Variants in MUSTN1 observed in about 807,000 individuals in gnomAD.
The protein encoded by MUSTN1 is musculoskeletal, embryonic nuclear protein 1, also known as musculoskeletal embryonic nuclear protein 1.
A neutral mutation model predicts 11.8 loss-of-function variants in MUSTN1; 14 were observed. That is an observed-to-expected ratio of 1.18 (90% CI 0.78 to 1.85). The LOEUF (loss-of-function observed/expected upper bound fraction) is 1.85. MUSTN1 is among the 40% of genes most tolerant of loss of function. The probability of loss-of-function intolerance (pLI) is 0.00; values close to 1 mark genes in which losing one functional copy is unlikely to be tolerated. For synonymous variants in MUSTN1, 42 were observed against 43.3 expected, an observed-to-expected ratio of 0.97 and a Z score of 0.12; for missense variants, 111 against 108.8, an observed-to-expected ratio of 1.02 and a Z score of -0.09.
intron 1 of MUSTN1, among the ~76,000 whole-genome samples, chr3:52,834,552 T>C (rs1358776261): frequency 1.3e-5 from 2 of 151,960 alleles, no homozygotes; most frequent in East Asian, 3.9e-4. Context: ...CAGACAGACC[T>C]ATGTGTGTGG....
rs765313162 is a variant in MUSTN1, at chr3:52,833,789, C to T, written c.10-40G>A. On this transcript the variant is annotated intron_variant, in intron 1 of 2. Transcript: ENST00000446157. The stretch of plus-strand genomic sequence containing the variant: ...AGCCTCATCTTACTACCTGAAGCCT[C>T]GGTAGAAAGGCACACCTACCTCTGT... 2.9e-5 allele frequency: 45 copies of T among 1,556,836 alleles called. No individual in the cohort carries two copies. The South Asian group carries it at 4.5e-4, about 16-fold the overall frequency.
chr3:52,834,899 C>T, intron 1 of MUSTN1, 41 bp downstream of exon 1: 2 of 1,611,264 alleles, frequency 1.2e-6, no homozygotes, highest in Non-Finnish European at 1.7e-6. Flanking sequence ...TCCACCTCCA[C>T]TCCCTCTGGC....
Position 52,833,250 on chromosome 3 carries a change from G to C in MUSTN1, c.*74C>G, listed in dbSNP as rs760496658. 8.8e-6 allele frequency: 14 copies of C among 1,586,460 alleles called. No individual in the cohort carries two copies. Among genetic ancestry groups the C allele is most frequent in the Non-Finnish European group, 8.6e-7 (1 of 1,164,512 alleles). ...GACAGCAGGGGAGAGGAAGCGTTCT[G>C]GCATAAAAAAGAGTTCCTGGGAAAG... On this transcript the variant is annotated 3_prime_UTR_variant, in exon 3 of 3. Transcript: ENST00000446157.
chr3:52,833,482 T>C, intron 2 of MUSTN1, 52 bp from the exon 3 acceptor site: 19 of 1,595,900 alleles, frequency 1.2e-5, no homozygotes, highest in Non-Finnish European at 1.6e-5. Context: ...GGAGGGAAGA[T>C]CCCTTACGAT....
Position 52,835,012 on chromosome 3 carries a change from A to G in MUSTN1, c.-64T>C. 6.2e-7 allele frequency: 1 copy of G among 1,605,924 alleles called. No individual in the cohort carries two copies. Among genetic ancestry groups the G allele is most frequent in the Non-Finnish European group, 8.5e-7 (1 of 1,175,594 alleles). On this transcript the variant is annotated 5_prime_UTR_variant, in exon 1 of 3. Transcript: ENST00000446157. ...TCTCTGGCAGGCAGCAGCTGCTGGA[A>G]AAGATCTGAGTGGAGCCCAGCCTTC...
intron 1 of MUSTN1, among the ~76,000 whole-genome samples, chr3:52,834,581 G>A (rs1700662359): frequency 6.6e-6 from 1 of 151,686 alleles, no homozygotes; most frequent in South Asian, 2.1e-4. Flanking sequence ...AGAGTGCATG[G>A]CTGCCGGGCC....
intron 2 of MUSTN1, 83 bp from the exon 3 acceptor site, chr3:52,833,513 C>T (rs2154112007): frequency 6.3e-7 from 1 of 1,587,750 alleles, no homozygotes; most frequent in Middle Eastern, 1.7e-4. Flanking sequence ...TTCTTGAACC[C>T]AGGAATACTG....
Position 52,833,725 on chromosome 3 carries a change from T to G in MUSTN1, c.34A>C (p.Lys12Gln), listed in dbSNP as rs1417343991. 1 of 1,585,768 alleles carries G rather than the reference T, an allele frequency of 6.3e-7. No individual in the cohort carries two copies. The highest frequency in any genetic ancestry group is 1.8e-5 in the Admixed American group (1 of 55,638). ...TCCTTCACAGGGGGGCGCTTCTTCT[T>G]GATAGGGGCTTCCTGAGCACCAGCC... ...SQAGAQEAPI[K>Q]KKRPPVKDED... Residue 12 changes from lysine (K) to glutamine (Q), a missense_variant, in exon 2 of 3, where the codon AAG becomes CAG. Coordinates refer to ENST00000446157, the MANE Select transcript of MUSTN1 (RefSeq NM_205853.4).
chr3:52,833,304 A>G lies in MUSTN1; in HGVS notation c.*20T>C. Reference sequence around the variant, plus strand: ...CCTGTTTCCGAGCATTCGGGCAGCAAGGGGAGTGGCGCACACTTCTCAGCC... The same window carrying G: ...CCTGTTTCCGAGCATTCGGGCAGCAGGGGGAGTGGCGCACACTTCTCAGCC... On this transcript the variant is annotated 3_prime_UTR_variant, in exon 3 of 3. Coordinates refer to ENST00000446157, the MANE Select transcript of MUSTN1 (RefSeq NM_205853.4). The G allele has an allele frequency of 6.2e-7, 1 of 1,613,466 alleles. No homozygotes were observed. The highest frequency in any genetic ancestry group is 8.5e-7 in the Non-Finnish European group (1 of 1,179,752).
intron 1 of MUSTN1, 53 bp from the exon 2 acceptor site, chr3:52,833,802 C>T: frequency 6.5e-7 from 1 of 1,546,452 alleles, no homozygotes; most frequent in South Asian, 1.2e-5. Flanking sequence ...TAGAAAGGCA[C>T]ACCTACCTCT....
rs770003208 is a variant in MUSTN1 at position 52,833,314 on chromosome 3, C to T, written c.*10G>A. On this transcript the variant is annotated 3_prime_UTR_variant, in exon 3 of 3. Transcript: ENST00000446157. ...AGCATTCGGGCAGCAAGGGGAGTGG[C>T]GCACACTTCTCAGCCGAAGACACTC... 19 of 1,613,736 alleles carry T rather than the reference C, an allele frequency of 1.2e-5. No homozygotes were observed. Among genetic ancestry groups the T allele is most frequent in the Admixed American group, 6.7e-5 (4 of 59,988 alleles).
Position 52,834,982 on chromosome 3 carries a change from G to A in MUSTN1, c.-34C>T. On this transcript the variant is annotated 5_prime_UTR_variant, in exon 1 of 3. Transcript: ENST00000446157. ...TTGTGTAAGCGCTGGGTCTCTGAAG[G>A]CGCCTCTCTGGCAGGCAGCAGCTGC... is the stretch of plus-strand genomic sequence containing the variant. 6.2e-7 allele frequency: 1 copy of A among 1,613,082 alleles called. No individual in the cohort carries two copies. The highest frequency in any genetic ancestry group is 2.2e-5 in the East Asian group (1 of 44,870).
rs1466145577 is a variant in MUSTN1, at chr3:52,833,414, G to A, written c.159C>T (p.Ala53=). ...VMRECEQAGS[A]APSVFSRTRT... ...GGGTGCGGCTGAACACCGACGGGGC[G>A]GCCGAGCCAGCTTGCTCTGTGGGAG... Residue 53 remains alanine (A), a synonymous_variant, in exon 3 of 3, where the codon GCC becomes GCT. Transcript: ENST00000446157. 15 of 1,612,970 alleles carry A rather than the reference G, an allele frequency of 9.3e-6. No homozygotes were observed. The highest frequency in any genetic ancestry group is 1.6e-4 in the Middle Eastern group (1 of 6,076).
Position 52,833,382 on chromosome 3 carries a change from C to T in MUSTN1, c.191G>A (p.Gly64Asp). The T allele has an allele frequency of 6.2e-7, 1 of 1,613,928 alleles. No homozygotes were observed. Among genetic ancestry groups the T allele is most frequent in the South Asian group, 1.1e-5 (1 of 91,078 alleles). ...APSVFSRTRT[G>D]TETVFEKPKA... is the part of the protein sequence containing the mutation. ...GGGCTTCTCAAAGACAGTCTCGGTA[C>T]CTGTGCGGGTGCGGCTGAACACCGA... Residue 64 changes from glycine to aspartate, a missense_variant, in exon 3 of 3, where the codon GGT becomes GAT. Transcript: ENST00000446157.
chr3:52,834,920 C>A lies in MUSTN1; in HGVS notation c.9+20G>T. On this transcript the variant is annotated intron_variant, in intron 1 of 2. Coordinates refer to ENST00000446157, the MANE Select transcript of MUSTN1 (RefSeq NM_205853.4). ...TCCACTCCCTCTGGCATCAACACAG[C>A]CCTTGCTGGGTCCTCCTACCTGGGA... 1.2e-6 allele frequency: 2 copies of A among 1,613,250 alleles called. No homozygotes were observed. Among genetic ancestry groups the A allele is most frequent in the Non-Finnish European group, 1.7e-6 (2 of 1,179,660 alleles).
Position 52,834,101 on chromosome 3 carries a change from T to C in MUSTN1, c.10-352A>G, listed in dbSNP as rs144756234. Among the ~76,000 whole-genome samples, 99 of 152,308 alleles carry C rather than the reference T, an allele frequency of 6.5e-4. No homozygotes were observed. The Middle Eastern group carries it at 0.01, about 16-fold the overall frequency. ...CTGAGGTTGGGCAATACTAGGGAAT[T>C]TGGTTAGTTCCAAAACCTGTTCACT... is the stretch of plus-strand genomic sequence containing the variant. On this transcript the variant is annotated intron_variant, in intron 1 of 2. Transcript: ENST00000446157.
rs1394006327 is a variant in MUSTN1, at chr3:52,833,419, A to G, written c.154T>C (p.Ser52Pro). 2 of 1,612,800 alleles carry G rather than the reference A, an allele frequency of 1.2e-6. No individual in the cohort carries two copies. Among genetic ancestry groups the G allele is most frequent in the East Asian group, 2.2e-5 (1 of 44,840 alleles). ...CGGCTGAACACCGACGGGGCGGCCGAGCCAGCTTGCTCTGTGGGAGGAGGT... is the reference window on the plus strand; with the variant it reads ...CGGCTGAACACCGACGGGGCGGCCGGGCCAGCTTGCTCTGTGGGAGGAGGT... The part of the protein sequence containing the change: ...QVMRECEQAG[S>P]AAPSVFSRTR... The change falls in exon 3 of 3, where the codon TCG becomes CCG. Residue 52 changes from serine to proline, a missense_variant. Coordinates refer to ENST00000446157, the MANE Select transcript of MUSTN1 (RefSeq NM_205853.4).
At chr3:52,834,896 C>T in intron 1 of MUSTN1, 44 bp downstream of exon 1, 1 of 1,610,676 alleles carries the variant, frequency 6.2e-7, no homozygotes, top group Non-Finnish European at 8.5e-7. Context: ...GACTCCACCT[C>T]CACTCCCTCT....
intron 1 of MUSTN1, among the ~76,000 whole-genome samples, chr3:52,834,263 G>A (rs1700652997): frequency 6.6e-6 from 1 of 152,192 alleles, no homozygotes; most frequent in Admixed American, 6.5e-5. Flanking sequence ...CCCACCCACA[G>A]AGCAGGCAGC....
Sources: allele counts gnomAD v4.1 joint callset (sites outside exome capture counted in the v4.1 genomes callset), GRCh38; gene constraint gnomAD v4.1.1; transcripts MANE v1.5; gene names NCBI Gene and HGNC (gene_info 2026-07-23, HGNC 2026-07-21).